EXPH5: variants seen among roughly 807,000 people sequenced by gnomAD.
The protein encoded by EXPH5 is exophilin-5.
A neutral mutation model predicts 41.1 loss-of-function variants in EXPH5; 42 were observed. The ratio of observed to expected loss-of-function variants is 1.02; its 90% confidence interval spans 0.80 to 1.32. The LOEUF is 1.32. Ranked by LOEUF, EXPH5 falls within the 40% of genes most tolerant of loss-of-function variation. The pLI, the probability that EXPH5 is intolerant of heterozygous loss-of-function variation, is 0.00. For synonymous variants in EXPH5, 798 were observed against 833.5 expected, an observed-to-expected ratio of 0.96 and a Z score of 0.73; for missense variants, 2,298 against 2,314.5, an observed-to-expected ratio of 0.99 and a Z score of 0.15.
chr11:108,528,966 G>A (rs11212699), intron 3 of EXPH5, among the ~76,000 whole-genome samples: 1 of 151,806 alleles, frequency 6.6e-6, no homozygotes, highest in African/African-American at 2.4e-5. Context: ...GCCTCCTAAA[G>A]TGCTGGGATT....
intron 1 of EXPH5, among the ~76,000 whole-genome samples, chr11:108,584,505 T>C (rs933070738): frequency 2.6e-5 from 4 of 151,160 alleles, no homozygotes; most frequent in African/African-American, 7.3e-5. Context: ...GGAAGCATAC[T>C]ACTTGACGTT....
intron 4 of EXPH5, among the ~76,000 whole-genome samples, chr11:108,521,223 G>C (rs759273027): frequency 6.6e-6 from 1 of 152,076 alleles, no homozygotes; most frequent in African/African-American, 2.4e-5. Flanking sequence ...ACCACATGTC[G>C]ATCCTTTCCA....
intron 1 of EXPH5, among the ~76,000 whole-genome samples, chr11:108,569,842 C>CCTAG (rs71050864): frequency 0.76 from 116,036 of 151,804 alleles, 44,514 homozygotes; most frequent in South Asian, 0.8. Context: ...CACGGAGGTG[C>CCTAG]CTAGACCTCT....
At chr11:108,584,852 T>C (rs1275748375) in intron 1 of EXPH5, among the ~76,000 whole-genome samples, 1 of 152,200 alleles carries the variant, frequency 6.6e-6, no homozygotes, top group Non-Finnish European at 1.5e-5. Context: ...GGCAGAGTAT[T>C]CTTAGAACGC....
At position 108,544,039 on chromosome 11, in the gene EXPH5, A is replaced by G. The variant is rs185183669; in HGVS notation, c.120-2227T>C. Among the ~76,000 whole-genome samples the G allele has an allele frequency of 3.3e-3, 495 of 152,244 alleles. 2 individuals carry two copies. The highest frequency in any genetic ancestry group is 0.011 in the African/African-American group (451 of 41,538). ...CCCTCGCTAATTGTCAGTTCCCCAA[A>G]AGCAGGCACCACCCTTTTCTGTTTC... is the stretch of plus-strand genomic sequence containing the variant. On this transcript the variant is annotated intron_variant, in intron 1 of 5. Transcript: ENST00000265843.
At chr11:108,527,664 T>C (rs2093809065) in intron 4 of EXPH5, among the ~76,000 whole-genome samples, 2 of 152,228 alleles carry the variant, frequency 1.3e-5, no homozygotes, top group African/African-American at 4.8e-5. Context: ...GTGACAAATT[T>C]AAATTTTAGC....
intron 1 of EXPH5, among the ~76,000 whole-genome samples, chr11:108,542,372 A>T (rs2093917686): frequency 6.6e-6 from 1 of 151,078 alleles, no homozygotes; most frequent in East Asian, 1.9e-4. Flanking sequence ...TGTAAATATG[A>T]TGGCAAACTA....
At chr11:108,586,121 T>C (rs1288136394) in intron 1 of EXPH5, among the ~76,000 whole-genome samples, 1 of 152,024 alleles carries the variant, frequency 6.6e-6, no homozygotes, top group Non-Finnish European at 1.5e-5. Context: ...GTATTTTTAG[T>C]AGAGACAGAG....
intron 2 of EXPH5, among the ~76,000 whole-genome samples, 157 bp from the exon 3 acceptor site, chr11:108,539,343 A>G (rs2093899536): frequency 6.6e-6 from 1 of 152,196 alleles, no homozygotes; most frequent in Admixed American, 6.5e-5. Flanking sequence ...TAAGGCAGTC[A>G]GAGCAACCTC....
intron 5 of EXPH5, among the ~76,000 whole-genome samples, chr11:108,515,592 C>T (rs894768503): frequency 7.9e-5 from 12 of 152,228 alleles, no homozygotes; most frequent in African/African-American, 2.9e-4. Flanking sequence ...TATATTAACT[C>T]ACTAAGTCGT....
intron 5 of EXPH5, among the ~76,000 whole-genome samples, chr11:108,516,330 C>T (rs1016769530): frequency 2.0e-5 from 3 of 152,100 alleles, no homozygotes; most frequent in Non-Finnish European, 4.4e-5. Context: ...GGACCACAGC[C>T]TCTGTGATCT....
chr11:108,566,472 C>T (rs562895208), intron 1 of EXPH5, among the ~76,000 whole-genome samples: 1 of 152,148 alleles, frequency 6.6e-6, no homozygotes, highest in East Asian at 1.9e-4. Context: ...TATTTGCTGG[C>T]CTTGCATCAA....
chr11:108,584,893 G>A (rs1206567635), intron 1 of EXPH5, among the ~76,000 whole-genome samples: 4 of 152,146 alleles, frequency 2.6e-5, no homozygotes, highest in African/African-American at 9.7e-5. Flanking sequence ...AAAGAAAAAA[G>A]TTTGATATGT....
chr11:108,545,533 G>A (rs1057498456), intron 1 of EXPH5, among the ~76,000 whole-genome samples: 2 of 152,140 alleles, frequency 1.3e-5, no homozygotes, highest in Non-Finnish European at 2.9e-5. Context: ...CCTGGGCAAA[G>A]AGCAGTGAAC....
rs2093731767 is a variant in EXPH5 at position 108,517,121 on chromosome 11, T to C, written c.631+1114A>G. Among the ~76,000 whole-genome samples the C allele has an allele frequency of 2.0e-5, 3 of 152,354 alleles. No homozygotes were observed. In the South Asian group the frequency reaches 6.2e-4, roughly 32 times the overall value. ...CAGGAATTCTACCTAGAGGTAACCA[T>C]TCTTAACATCCCCATGACAAGATTT... On this transcript the variant is annotated intron_variant, in intron 5 of 5. Coordinates refer to ENST00000265843, the MANE Select transcript of EXPH5 (RefSeq NM_015065.3).
At chr11:108,603,738 C>G in the EXPH5 span, among the ~76,000 whole-genome samples, 1 of 152,216 alleles carries the variant, frequency 6.6e-6, no homozygotes, top group African/African-American at 2.4e-5. Flanking sequence ...TACAACCACT[C>G]TGTTCTGATG....
rs913529331 is a variant in EXPH5 at position 108,556,767 on chromosome 11, C to T, written c.120-14955G>A. Among the ~76,000 whole-genome samples the T allele has an allele frequency of 3.3e-5, 5 of 152,312 alleles. No individual in the cohort carries two copies. In the East Asian group the frequency reaches 7.7e-4, roughly 23 times the overall value. On this transcript the variant is annotated intron_variant, in intron 1 of 5. Coordinates refer to ENST00000265843, the MANE Select transcript of EXPH5 (RefSeq NM_015065.3). Reference sequence around the variant, plus strand: ...TGGGGTTACAGGCTGAGTCATCAGGCCTGGCCCCCATCAATTTTATTGAAC... The same window carrying T: ...TGGGGTTACAGGCTGAGTCATCAGGTCTGGCCCCCATCAATTTTATTGAAC...
Position 108,513,980 on chromosome 11 carries a change from C to T in EXPH5, c.1527G>A (p.Met509Ile), listed in dbSNP as rs765167443. The T allele has an allele frequency of 8.7e-6, 14 of 1,610,392 alleles. No individual in the cohort carries two copies. Among genetic ancestry groups the T allele is most frequent in the Non-Finnish European group, 9.3e-6 (11 of 1,178,608 alleles). ...ATACACTATTTGCTTCCATGGAAATCATTTCAAAGTCTCTGTCAGAAGAAC... is the reference window on the plus strand; with the variant it reads ...ATACACTATTTGCTTCCATGGAAATTATTTCAAAGTCTCTGTCAGAAGAAC... ...SFSSSDRDFE[M>I]ISMEANSVSA... The change falls in exon 6 of 6, where the codon ATG becomes ATA. Residue 509 changes from methionine to isoleucine, a missense_variant. Met to Ile is a conservative substitution (Grantham distance 10). Coordinates refer to ENST00000265843, the MANE Select transcript of EXPH5 (RefSeq NM_015065.3).
intron 1 of EXPH5, among the ~76,000 whole-genome samples, chr11:108,591,721 C>T (rs79228139): frequency 6.6e-6 from 1 of 152,098 alleles, no homozygotes. Flanking sequence ...TGTGTAGATA[C>T]ACGTGCTTTG....
Sources: gnomAD v4.1 joint callset for allele counts (sites outside exome capture counted in the v4.1 genomes callset) on GRCh38, gnomAD v4.1.1 for gene constraint, MANE v1.5 for transcripts, NCBI Gene and HGNC (gene_info 2026-07-23, HGNC 2026-07-21) for gene names.